Variants in ZNF385D observed in about 807,000 individuals in gnomAD.
The protein encoded by ZNF385D is zinc finger protein 385D.
ZNF385D carries 15 observed loss-of-function variants against 35.8 expected under a neutral mutation model. The observed-to-expected ratio is 0.42, with a 90% CI of 0.28 to 0.64. ZNF385D has a LOEUF of 0.64. Among genes scored for constraint, ZNF385D ranks in the 30% least tolerant of loss-of-function variants. The pLI is 0.23. For synonymous variants in ZNF385D, 212 were observed against 186.8 expected, an observed-to-expected ratio of 1.13 and a Z score of -1.10; for missense variants, 474 against 494.6, an observed-to-expected ratio of 0.96 and a Z score of 0.39.
intron 3 of ZNF385D, among the ~76,000 whole-genome samples, chr3:22,103,727 A>C (rs1187801886): frequency 7.4e-6 from 1 of 135,102 alleles, no homozygotes; most frequent in African/African-American, 2.5e-5. Context: ...GGTGAAATAA[A>C]AATCTTATGG....
At chr3:22,288,931 C>T (rs1381952843) in intron 2 of ZNF385D, among the ~76,000 whole-genome samples, 2 of 152,066 alleles carry the variant, frequency 1.3e-5, no homozygotes, top group African/African-American at 4.8e-5. Flanking sequence ...GTCCAAACTG[C>T]TGACTCTGTT....
In ZNF385D at chr3:21,415,966, A is replaced by G. The variant is rs1300506187; in HGVS notation, c.*5248T>C. Reference sequence around the variant, plus strand: ...TTGACATCTGAACATTGATGACCCAACCAGAGAATTCTTTAAACTCTGTGA... The same window carrying G: ...TTGACATCTGAACATTGATGACCCAGCCAGAGAATTCTTTAAACTCTGTGA... On this transcript the variant is annotated 3_prime_UTR_variant, in exon 8 of 8. Coordinates refer to ENST00000281523, the MANE Select transcript of ZNF385D (RefSeq NM_024697.3). 6.6e-6 allele frequency: 1 copy of G among 151,954 alleles called. No individual in the cohort carries two copies. The highest frequency in any genetic ancestry group is 1.5e-5 in the Non-Finnish European group (1 of 67,986). The allele number at this position is 151,954 out of a possible 1,614,324, so 9.4% of individuals were successfully genotyped here.
At chr3:21,762,722 C>T (rs557030345) in intron 3 of ZNF385D, among the ~76,000 whole-genome samples, 202 of 152,232 alleles carry the variant, frequency 1.3e-3, no homozygotes, top group African/African-American at 4.3e-3. Flanking sequence ...ACTGTCAACC[C>T]CTAGAGGTAT....
intron 2 of ZNF385D, among the ~76,000 whole-genome samples, chr3:22,280,666 T>A (rs1384855464): frequency 6.6e-6 from 1 of 152,144 alleles, no homozygotes; most frequent in Non-Finnish European, 1.5e-5. Flanking sequence ...TTTTGGTGAC[T>A]ATAGTCTTAT....
At chr3:21,675,099 G>A (rs539946233) in intron 1 of ZNF385D, among the ~76,000 whole-genome samples, 42 of 152,064 alleles carry the variant, frequency 2.8e-4, no homozygotes, top group African/African-American at 8.0e-4. Flanking sequence ...AAAGAAAAGC[G>A]GATTAAACTA....
At chr3:22,302,086 C>A (rs1478773309) in intron 2 of ZNF385D, among the ~76,000 whole-genome samples, 1 of 151,904 alleles carries the variant, frequency 6.6e-6, no homozygotes, top group Non-Finnish European at 1.5e-5. Context: ...TTGTGCTTGT[C>A]TCCTTATGCA....
At chr3:21,848,878 T>C (rs780931970) in intron 3 of ZNF385D, among the ~76,000 whole-genome samples, 6 of 152,054 alleles carry the variant, frequency 3.9e-5, no homozygotes, top group Non-Finnish European at 7.4e-5. Flanking sequence ...ATCACATGTA[T>C]TTGTTGTGAA....
chr3:22,299,791 A>C (rs1356293233), intron 2 of ZNF385D, among the ~76,000 whole-genome samples: 1 of 151,992 alleles, frequency 6.6e-6, no homozygotes, highest in Non-Finnish European at 1.5e-5. Context: ...GAAAACTGTA[A>C]AATATTGATA....
chr3:22,212,332 C>G (rs1221915392), intron 2 of ZNF385D, among the ~76,000 whole-genome samples: 1 of 152,030 alleles, frequency 6.6e-6, no homozygotes, highest in Non-Finnish European at 1.5e-5. Context: ...TGTGCCTGCA[C>G]TTCTTCATGC....
intron 2 of ZNF385D, among the ~76,000 whole-genome samples, chr3:22,344,587 TTTTTTTGTA>T (rs1459635543): frequency 6.6e-6 from 1 of 151,070 alleles, no homozygotes; most frequent in African/African-American, 2.4e-5. Flanking sequence ...TTTTGTTTTG[TTTTTTTGTA>T]TTTTTTGTAG....
chr3:22,152,401 G>T (rs1448409989), intron 3 of ZNF385D, among the ~76,000 whole-genome samples: 1 of 152,100 alleles, frequency 6.6e-6, no homozygotes, highest in Non-Finnish European at 1.5e-5. Context: ...AAATTTGTTG[G>T]CTTAAGACAA....
rs1475786508 is a variant in ZNF385D at position 22,240,174 on chromosome 3, C to A, written c.107-71139G>T. 1.7e-4 allele frequency among the ~76,000 whole-genome samples: 19 copies of A among 111,858 alleles called. 1 individual carries two copies. Among genetic ancestry groups the A allele is most frequent in the Non-Finnish European group, 2.4e-4 (14 of 57,954 alleles). The allele number at this position is 111,858 out of a possible 152,430, so 73.4% of individuals were successfully genotyped here. On this transcript the variant is annotated intron_variant, in intron 2 of 5. Coordinates refer to the ZNF385D transcript ENST00000494108. ...CTCCAGCCTAGGTGACAAAGCGAGA[C>A]CCTGTCTCCAAAAAAAAAAAAAAAA...
chr3:21,731,803 G>C (rs1052476059), intron 1 of ZNF385D, among the ~76,000 whole-genome samples: 4 of 152,126 alleles, frequency 2.6e-5, no homozygotes, highest in Admixed American at 2.6e-4. Context: ...GAATAGTACA[G>C]TATGCAGCCT....
chr3:21,762,191 TA>T (rs1436039458), intron 3 of ZNF385D, among the ~76,000 whole-genome samples: 2 of 152,116 alleles, frequency 1.3e-5, no homozygotes, highest in Admixed American at 1.3e-4. Context: ...TTCCCTTTTT[TA>T]TTTTCTAATA....
At chr3:21,533,296 C>T (rs1480223146) in intron 3 of ZNF385D, among the ~76,000 whole-genome samples, 2 of 152,088 alleles carry the variant, frequency 1.3e-5, no homozygotes, top group Non-Finnish European at 2.9e-5. Context: ...AACGTTTCCC[C>T]ACTTAGAAAA....
Position 21,585,852 on chromosome 3 carries a change from G to A in ZNF385D, c.166-21168C>T, listed in dbSNP as rs138479082. ...GGGATAGCTGAGCATGGAAAATGGA[G>A]AGATAAAATTGGTCCTAAAGCAATA... On this transcript the variant is annotated intron_variant, in intron 2 of 7. Transcript: ENST00000281523. Among the ~76,000 whole-genome samples the A allele has an allele frequency of 2.4e-3, 362 of 152,248 alleles. 4 individuals carry two copies. The highest frequency in any genetic ancestry group is 3.1e-3 in the East Asian group (16 of 5,184).
At chr3:22,337,249 T>G (rs1695213504) in intron 2 of ZNF385D, among the ~76,000 whole-genome samples, 1 of 152,064 alleles carries the variant, frequency 6.6e-6, no homozygotes, top group Non-Finnish European at 1.5e-5. Flanking sequence ...TTAAGATGCT[T>G]GGCCGGATGT....
chr3:21,528,993 CTAGAG>C (rs1351174464), intron 3 of ZNF385D, among the ~76,000 whole-genome samples: 1 of 152,134 alleles, frequency 6.6e-6, no homozygotes, highest in Non-Finnish European at 1.5e-5. Context: ...TTTAGAAAGA[CTAGAG>C]TAAAGTAATA....
Position 22,286,841 on chromosome 3 carries a change from T to C in ZNF385D, c.106+85609A>G, listed in dbSNP as rs112687062. 5.3e-3 allele frequency among the ~76,000 whole-genome samples: 801 copies of C among 152,164 alleles called. 6 individuals are homozygous for C. The highest frequency in any genetic ancestry group is 0.031 in the Middle Eastern group (9 of 294). ...CATCCACGTGCACATGAGAAGAATG[T>C]GTATTATTTTGTTGTTGGGTGGAAT... On this transcript the variant is annotated intron_variant, in intron 2 of 5. Coordinates refer to the ZNF385D transcript ENST00000494108.
Sources: allele counts gnomAD v4.1 joint callset (sites outside exome capture counted in the v4.1 genomes callset), GRCh38; gene constraint gnomAD v4.1.1; transcripts MANE v1.5; gene names NCBI Gene and HGNC (gene_info 2026-07-23, HGNC 2026-07-21).